Variants in COMMD2 observed in about 807,000 individuals in gnomAD.
The protein encoded by COMMD2 is COMM domain-containing protein 2.
A neutral mutation model predicts 22.5 loss-of-function variants in COMMD2; 25 were observed. The observed-to-expected ratio is 1.11, with a 90% CI of 0.81 to 1.55. COMMD2 has a LOEUF of 1.55. Among genes scored for constraint, COMMD2 ranks in the 40% most tolerant of loss-of-function variants. COMMD2 has a pLI of 0.00. For missense variants in COMMD2, 223 were observed against 232.9 expected (o/e 0.96, Z 0.28); for synonymous variants, 98 against 91.2 (o/e 1.07, Z -0.42).
At position 149,738,832 on chromosome 3, in the gene COMMD2, C is replaced by T. The variant is rs1337690445; in HGVS notation, c.*2689G>A. ...CATGTCAGATTCTCATTTTTCAATT[C>T]TCAAGATACAGCATCTTCTTATAGC... On this transcript the variant is annotated 3_prime_UTR_variant, in exon 5 of 5. Transcript: ENST00000473414. The T allele has an allele frequency of 6.6e-6, 1 of 152,086 alleles. No homozygotes were observed. Among genetic ancestry groups the T allele is most frequent in the Non-Finnish European group, 1.5e-5 (1 of 67,986 alleles). The allele number at this position is 152,086 out of a possible 1,614,324, so 9.4% of individuals were successfully genotyped here.
intron 4 of COMMD2, among the ~76,000 whole-genome samples, chr3:149,747,338 G>A (rs1374083483): frequency 1.3e-5 from 2 of 152,190 alleles, no homozygotes; most frequent in Non-Finnish European, 2.9e-5. Context: ...ACTGACCTTT[G>A]GGGCATCCCA....
At chr3:149,748,986 A>G (rs1019286585) in intron 4 of COMMD2, among the ~76,000 whole-genome samples, 23 of 151,006 alleles carry the variant, frequency 1.5e-4, no homozygotes, top group Admixed American at 1.5e-3. Context: ...ACTTTCCTAC[A>G]TGATTGTTTT....
At chr3:149,745,829 C>T (rs372559479) in intron 4 of COMMD2, among the ~76,000 whole-genome samples, 12 of 152,288 alleles carry the variant, frequency 7.9e-5, no homozygotes, top group African/African-American at 2.6e-4. Flanking sequence ...AAATCCTAAG[C>T]CTTTTGTCTT....
At chr3:149,747,735 G>A (rs538103155) in intron 4 of COMMD2, among the ~76,000 whole-genome samples, 3 of 152,130 alleles carry the variant, frequency 2.0e-5, no homozygotes, top group East Asian at 1.9e-4. Context: ...TCAGGAGTTC[G>A]AGACCAGCCT....
In COMMD2 at chr3:149,749,279, C is replaced by A. The variant is rs77199422; in HGVS notation, c.402+1399G>T. 7.7e-4 allele frequency among the ~76,000 whole-genome samples: 118 copies of A among 152,302 alleles called. No homozygotes were observed. In the East Asian group the frequency reaches 0.022, roughly 28 times the overall value. ...TTGGCCTCTCAAAGTGCTGAGCCAC[C>A]GTGCATGGCCTTAATGTTACTCCCC... On this transcript the variant is annotated intron_variant, in intron 4 of 4. Coordinates refer to ENST00000473414, the MANE Select transcript of COMMD2 (RefSeq NM_016094.4).
intron 4 of COMMD2, 84 bp from the exon 5 acceptor site, chr3:149,741,802 C>T: frequency 1.8e-6 from 2 of 1,087,920 alleles, no homozygotes; most frequent in Non-Finnish European, 2.7e-6. Context: ...TTAAACCATA[C>T]ACAAAAATTA....
intron 4 of COMMD2, among the ~76,000 whole-genome samples, chr3:149,742,540 A>T (rs1235478656): frequency 6.6e-6 from 1 of 152,264 alleles, no homozygotes; most frequent in South Asian, 2.1e-4. Context: ...AATGGCAGAG[A>T]AAAGAAATGA....
intron 3 of COMMD2, among the ~76,000 whole-genome samples, 166 bp from the exon 4 acceptor site, chr3:149,751,017 A>G (rs887978004): frequency 1.3e-5 from 2 of 152,208 alleles, no homozygotes; most frequent in Non-Finnish European, 2.9e-5. Flanking sequence ...CCAATACATA[A>G]AAGTACTTTA....
At position 149,741,706 on chromosome 3, in the gene COMMD2, T is replaced by G; in HGVS notation, c.415A>C (p.Ser139Arg). The change falls in exon 5 of 5, where the codon AGT (serine) becomes CGT (arginine). Residue 139 changes from serine (S) to arginine (R), a missense_variant. Ser to Arg is a moderately radical substitution (Grantham distance 110). Coordinates refer to ENST00000473414, the MANE Select transcript of COMMD2 (RefSeq NM_016094.4). ...WRLDVQLASR[S>R]LRQQIKPAVT... ...GCTGGTTTAATCTGTTGCCTGAGAC[T>G]TCTACTTGCAAGCTTGATTTTAAAT... 1 of 1,613,428 alleles carries G rather than the reference T, an allele frequency of 6.2e-7. No individual in the cohort carries two copies. The highest frequency in any genetic ancestry group is 8.5e-7 in the Non-Finnish European group (1 of 1,179,458).
At chr3:149,742,819 T>C (rs1308423794) in intron 4 of COMMD2, among the ~76,000 whole-genome samples, 1 of 151,686 alleles carries the variant, frequency 6.6e-6, no homozygotes, top group Non-Finnish European at 1.5e-5. Flanking sequence ...ATACAAAAAT[T>C]AGCTGGCATG....
At chr3:149,752,046 G>C in intron 2 of COMMD2, 164 bp downstream of exon 2, 2 of 579,216 alleles carry the variant, frequency 3.5e-6, no homozygotes, top group South Asian at 4.6e-5. Flanking sequence ...CTACTTAAGG[G>C]ACGGGCAGGA....
chr3:149,739,677 T>A lies in COMMD2; in HGVS notation c.*1844A>T, dbSNP rs1716157957. 1 of 152,230 alleles carries A rather than the reference T, an allele frequency of 6.6e-6. No individual in the cohort carries two copies. Among genetic ancestry groups the A allele is most frequent in the African/African-American group, 2.4e-5 (1 of 41,466 alleles). 9.4% of individuals were successfully genotyped at this position (152,230 alleles called of 1,614,324 possible). A position where few individuals can be genotyped will look rare whatever the true frequency, so the allele number is the denominator to read the frequency against. On this transcript the variant is annotated 3_prime_UTR_variant, in exon 5 of 5. Transcript: ENST00000473414. The stretch of plus-strand genomic sequence containing the variant: ...CCTTACAGAGGTATTTTTTATCATA[T>A]GTTTTGCAGGCATGTTGCTTTTAAA...
At chr3:149,752,166 A>G (rs1396177534) in intron 2 of COMMD2, 44 bp downstream of exon 2, 1 of 1,544,232 alleles carries the variant, frequency 6.5e-7, no homozygotes, top group Non-Finnish European at 8.9e-7. Context: ...AATGGCTCGC[A>G]ACCGCCCTAG....
At chr3:149,749,888 C>T (rs557088503) in intron 4 of COMMD2, among the ~76,000 whole-genome samples, 4 of 152,160 alleles carry the variant, frequency 2.6e-5, no homozygotes, top group African/African-American at 7.2e-5. Flanking sequence ...TTATAACTAC[C>T]TTTAATTACT....
chr3:149,747,684 C>T (rs1175244430), intron 4 of COMMD2, among the ~76,000 whole-genome samples: 3 of 152,148 alleles, frequency 2.0e-5, no homozygotes. Context: ...TGCCTGTAAT[C>T]CCAGCACTTG....
chr3:149,744,644 C>T (rs968856608), intron 4 of COMMD2, among the ~76,000 whole-genome samples: 1 of 152,218 alleles, frequency 6.6e-6, no homozygotes, highest in Admixed American at 6.5e-5. Context: ...GTTACTTAAA[C>T]ATGAAAGGCG....
At chr3:149,748,266 A>G (rs769043285) in intron 4 of COMMD2, among the ~76,000 whole-genome samples, 1 of 152,168 alleles carries the variant, frequency 6.6e-6, no homozygotes, top group Non-Finnish European at 1.5e-5. Flanking sequence ...AGGCTGAAAG[A>G]TGTGGTTGAC....
At chr3:149,746,521 C>T (rs1032736164) in intron 4 of COMMD2, among the ~76,000 whole-genome samples, 2 of 151,776 alleles carry the variant, frequency 1.3e-5, no homozygotes, top group African/African-American at 4.8e-5. Flanking sequence ...CCTGTAATCC[C>T]AGCACTTTGG....
chr3:149,752,118 G>C, intron 2 of COMMD2, 92 bp downstream of exon 2: 1 of 1,043,168 alleles, frequency 9.6e-7, no homozygotes, highest in Admixed American at 2.0e-5. Flanking sequence ...CAAGACCCTA[G>C]GACTCGCAAT....
Sources: allele counts gnomAD v4.1 joint callset (sites outside exome capture counted in the v4.1 genomes callset), GRCh38; gene constraint gnomAD v4.1.1; transcripts MANE v1.5; gene names NCBI Gene and HGNC (gene_info 2026-07-23, HGNC 2026-07-21).